Variants in REEP5 observed in about 807,000 individuals in gnomAD.
REEP5 encodes the protein receptor accessory protein 5.
REEP5 carries 24 observed loss-of-function variants against 22.4 expected under a neutral mutation model. That is an observed-to-expected ratio of 1.07 (90% CI 0.78 to 1.51). The LOEUF (loss-of-function observed/expected upper bound fraction) is 1.51. REEP5 is among the 40% of genes most tolerant of loss of function. The pLI is 0.00. For synonymous variants in REEP5, 103 were observed against 88.6 expected, an observed-to-expected ratio of 1.16 and a Z score of -0.92; for missense variants, 252 against 233.0, an observed-to-expected ratio of 1.08 and a Z score of -0.53.
intron 3 of REEP5, among the ~76,000 whole-genome samples, chr5:112,900,839 TTC>T (rs1406464447): frequency 1.3e-5 from 2 of 152,100 alleles, no homozygotes; most frequent in Admixed American, 6.5e-5. Context: ...AAGAATATAT[TTC>T]TTTTTTTTTT....
chr5:112,893,024 G>T, intron 3 of REEP5: 1 of 1,534,384 alleles, frequency 6.5e-7, no homozygotes, highest in Non-Finnish European at 9.0e-7. Context: ...CGAAGTCGTG[G>T]GAGGAGGAAG....
chr5:112,887,235 T>A, intron 3 of REEP5, 52 bp from the exon 4 acceptor site: 1 of 1,467,380 alleles, frequency 6.8e-7, no homozygotes, highest in African/African-American at 1.4e-5. Flanking sequence ...GGGGGCACAT[T>A]CTGAGAATAC....
At chr5:112,889,626 A>AGT (rs1768370052) in intron 3 of REEP5, among the ~76,000 whole-genome samples, 1 of 150,488 alleles carries the variant, frequency 6.6e-6, no homozygotes, top group African/African-American at 2.5e-5. Context: ...GAAATATTTA[A>AGT]ATGTAAGTCA....
At chr5:112,921,516 C>T (rs1769365873) in intron 1 of REEP5, 2 of 534,338 alleles carry the variant, frequency 3.7e-6, no homozygotes, top group Non-Finnish European at 6.8e-6. Context: ...CGCAGCAACC[C>T]CCGGCGCCCG....
rs770144660 is a variant in REEP5 at position 112,891,627 on chromosome 5, C to T, written c.352-4444G>A. ...GGTTAAGAATGTCTGAGGGGTCAGG[C>T]GGTGCTGGCAAGATGGCTGCACTTG... is the stretch of plus-strand genomic sequence containing the variant. On this transcript the variant is annotated intron_variant, in intron 3 of 4. Transcript: ENST00000379638. The T allele has an allele frequency of 1.9e-5, 30 of 1,589,702 alleles. No individual in the cohort carries two copies. In the South Asian group the frequency reaches 2.4e-4, roughly 13 times the overall value.
chr5:112,916,699 G>T (rs1332172948), intron 2 of REEP5, among the ~76,000 whole-genome samples: 1 of 152,170 alleles, frequency 6.6e-6, no homozygotes, highest in Non-Finnish European at 1.5e-5. Context: ...CATTCAAAGA[G>T]CCACAAGGGA....
intron 3 of REEP5, chr5:112,892,213 T>G (rs749681827): frequency 6.2e-7 from 1 of 1,614,178 alleles, no homozygotes; most frequent in Non-Finnish European, 8.5e-7. Context: ...TGGAGACAGA[T>G]GTTCACGTAA....
intron 2 of REEP5, 72 bp from the exon 3 acceptor site, chr5:112,902,590 T>A: frequency 7.1e-7 from 1 of 1,401,646 alleles, no homozygotes; most frequent in Non-Finnish European, 9.6e-7. Flanking sequence ...TACACTTTCA[T>A]AACCTGTCCT....
At chr5:112,913,482 G>A (rs1769161992) in intron 2 of REEP5, among the ~76,000 whole-genome samples, 1 of 144,714 alleles carries the variant, frequency 6.9e-6, no homozygotes, top group Non-Finnish European at 1.5e-5. Flanking sequence ...AGGCTGCAGT[G>A]AGTCATGATT....
At chr5:112,886,681 G>C (rs1285001656) in intron 4 of REEP5, among the ~76,000 whole-genome samples, 1 of 152,086 alleles carries the variant, frequency 6.6e-6, no homozygotes, top group East Asian at 1.9e-4. Flanking sequence ...ATGTAATTAA[G>C]TATAATACAA....
intron 3 of REEP5, chr5:112,892,006 G>A (rs1156244331): frequency 1.6e-6 from 2 of 1,288,844 alleles, no homozygotes; most frequent in Non-Finnish European, 2.3e-6. Context: ...GCAGAGGAAA[G>A]AGAGAGAAGA....
intron 3 of REEP5, among the ~76,000 whole-genome samples, chr5:112,888,157 C>A (rs1268565005): frequency 9.5e-6 from 1 of 104,904 alleles, no homozygotes; most frequent in Non-Finnish European, 1.8e-5. Flanking sequence ...CTTAATTTCT[C>A]ATGCTTTAAA....
At chr5:112,901,694 A>G (rs564311655) in intron 3 of REEP5, among the ~76,000 whole-genome samples, 132 of 151,182 alleles carry the variant, frequency 8.7e-4, no homozygotes, top group African/African-American at 3.0e-3. Context: ...CCTGGGCAAC[A>G]GACCAAGAGT....
intron 3 of REEP5, chr5:112,893,094 TAAAAAAAAAAA>T (rs552226372): frequency 1.2e-4 from 58 of 500,078 alleles, no homozygotes; most frequent in Non-Finnish European, 1.6e-4. Context: ...GTTTTGTTCT[TAAAAAAAAAAA>T]AAAAAAAAAA....
At chr5:112,885,564 T>C (rs1159197681) in intron 4 of REEP5, 1 of 253,622 alleles carries the variant, frequency 3.9e-6, no homozygotes, top group Non-Finnish European at 8.4e-6. Flanking sequence ...CTTCCCAGTA[T>C]GATATCCTGT....
chr5:112,916,318 C>T (rs1487539215), intron 2 of REEP5, among the ~76,000 whole-genome samples: 1 of 152,178 alleles, frequency 6.6e-6, no homozygotes, highest in African/African-American at 2.4e-5. Context: ...GGGGTCATCC[C>T]CAAACATCTT....
rs1767968707 is a variant in REEP5, at chr5:112,878,621, G to A, written c.*165C>T. 1 of 995,054 alleles carries A rather than the reference G, an allele frequency of 1.0e-6. No homozygotes were observed. The highest frequency in any genetic ancestry group is 1.6e-5 in the African/African-American group (1 of 60,858). 61.6% of individuals were successfully genotyped at this position (995,054 alleles called of 1,614,324 possible). A position where few individuals can be genotyped will look rare whatever the true frequency, so the allele number is the denominator to read the frequency against. ...GTTTAAAGTGCTCCCTATATATATA[G>A]ACAGTAAAAGTAAGCAAAGAAACTT... On this transcript the variant is annotated 3_prime_UTR_variant, in exon 5 of 5. Coordinates refer to ENST00000379638, the MANE Select transcript of REEP5 (RefSeq NM_005669.5).
At position 112,913,026 on chromosome 5, in the gene REEP5, G is replaced by A. The variant is rs114326206; in HGVS notation, c.212+8137C>T. ...GAGAAAGACTAATGAAAGACTGACC[G>A]GGCACAGTGGCTCATGTCTGTAATC... On this transcript the variant is annotated intron_variant, in intron 2 of 4. Transcript: ENST00000379638. Among the ~76,000 whole-genome samples, 1,391 of 152,262 alleles carry A rather than the reference G, an allele frequency of 9.1e-3. 24 individuals are homozygous for A. Among genetic ancestry groups the A allele is most frequent in the African/African-American group, 0.032 (1,328 of 41,546 alleles).
At position 112,876,545 on chromosome 5, in the gene REEP5, C is replaced by T. The variant is rs1767900723; in HGVS notation, c.*2241G>A. ...AGTTGTTGATCCAAATGATTGAAGCCTTCAGGTAAGGGAATAACTGCTGCA... is the reference window on the plus strand; with the variant it reads ...AGTTGTTGATCCAAATGATTGAAGCTTTCAGGTAAGGGAATAACTGCTGCA... On this transcript the variant is annotated 3_prime_UTR_variant, in exon 5 of 5. Transcript: ENST00000379638. 6.6e-6 allele frequency: 1 copy of T among 152,154 alleles called. No individual in the cohort carries two copies. Among genetic ancestry groups the T allele is most frequent in the Non-Finnish European group, 1.5e-5 (1 of 68,030 alleles). 9.4% of individuals were successfully genotyped at this position (152,154 alleles called of 1,614,324 possible).
Sources: allele counts gnomAD v4.1 joint callset (sites outside exome capture counted in the v4.1 genomes callset), GRCh38; gene constraint gnomAD v4.1.1; transcripts MANE v1.5; gene names NCBI Gene and HGNC (gene_info 2026-07-23, HGNC 2026-07-21).